SMAD2: variants seen among roughly 807,000 people sequenced by gnomAD.
The protein encoded by SMAD2 is SMAD family member 2.
A neutral mutation model predicts 64.4 loss-of-function variants in SMAD2; 8 were observed. That is an observed-to-expected ratio of 0.12 (90% CI 0.07 to 0.22). SMAD2 has a LOEUF of 0.22. Among genes scored for constraint, SMAD2 ranks in the 10% least tolerant of loss-of-function variants. The pLI is 1.00. For synonymous variants in SMAD2, 203 were observed against 195.8 expected (o/e 1.04, Z -0.31); for missense variants, 289 against 561.2 (o/e 0.51, Z 4.90).
rs1461853620 is a variant in SMAD2, at chr18:47,839,988, T to G, written c.*1839A>C. The stretch of plus-strand genomic sequence containing the variant: ...GATAATTAAGGGTTAGTGTAACTGC[T>G]GTCTCAGCAAAGGCAGGAACTGTAG... On this transcript the variant is annotated 3_prime_UTR_variant, in exon 11 of 11. Coordinates refer to ENST00000262160, the MANE Select transcript of SMAD2 (RefSeq NM_005901.6). 4.3e-6 allele frequency: 1 copy of G among 233,092 alleles called. No individual in the cohort carries two copies. Among genetic ancestry groups the G allele is most frequent in the Non-Finnish European group, 8.5e-6 (1 of 118,022 alleles). 14.4% of individuals were successfully genotyped at this position (233,092 alleles called of 1,614,324 possible). A position where few individuals can be genotyped will look rare whatever the true frequency, so the allele number is the denominator to read the frequency against.
At chr18:47,895,097 T>C (rs1030535125) in intron 2 of SMAD2, among the ~76,000 whole-genome samples, 1 of 152,248 alleles carries the variant, frequency 6.6e-6, no homozygotes, top group African/African-American at 2.4e-5. Flanking sequence ...TGTAAAAATA[T>C]GTAAGATCCT....
At chr18:47,861,094 G>T (rs181672533) in intron 6 of SMAD2, among the ~76,000 whole-genome samples, 112 of 152,256 alleles carry the variant, frequency 7.4e-4, no homozygotes, top group African/African-American at 2.7e-3. Context: ...AGTGGCTCAC[G>T]GCTGTAATCC....
rs1054769579 is a variant in SMAD2 at position 47,820,078 on chromosome 18, T to C, written c.*21749A>G. ...AATGAACTTTTCATGTAATTTGAAA[T>C]CTTATAAATTAATCTTCAGTAAATG... On this transcript the variant is annotated 3_prime_UTR_variant, in exon 11 of 11. Coordinates refer to ENST00000262160, the MANE Select transcript of SMAD2 (RefSeq NM_005901.6). The C allele has an allele frequency of 6.6e-6, 1 of 152,122 alleles. No homozygotes were observed. The highest frequency in any genetic ancestry group is 2.4e-5 in the African/African-American group (1 of 41,438). The allele number at this position is 152,122 out of a possible 1,614,324, so 9.4% of individuals were successfully genotyped here. A position where few individuals can be genotyped will look rare whatever the true frequency, so the allele number is the denominator to read the frequency against.
chr18:47,850,657 ATTATATACT>A (rs1915354758), intron 7 of SMAD2, among the ~76,000 whole-genome samples: 1 of 42,018 alleles, frequency 2.4e-5, no homozygotes, highest in Non-Finnish European at 3.7e-5. Context: ...TATAATATAT[ATTATATACT>A]ATATATATAT....
chr18:47,887,611 C>T (rs1328064638), intron 2 of SMAD2, among the ~76,000 whole-genome samples: 3 of 152,172 alleles, frequency 2.0e-5, no homozygotes, highest in Non-Finnish European at 4.4e-5. Context: ...GTCTTACTAA[C>T]GTCTACTTTG....
chr18:47,899,088 T>A (rs2033569728), intron 1 of SMAD2, among the ~76,000 whole-genome samples: 1 of 152,050 alleles, frequency 6.6e-6, no homozygotes, highest in Non-Finnish European at 1.5e-5. Flanking sequence ...AGAATTGCAA[T>A]ACACAAAAGG....
intron 2 of SMAD2, among the ~76,000 whole-genome samples, chr18:47,888,731 T>G (rs541875251): frequency 7.2e-4 from 109 of 152,278 alleles, no homozygotes; most frequent in African/African-American, 2.6e-3. Context: ...AGAGCATTAT[T>G]TGCAAGATCT....
rs1188024168 is a variant in SMAD2, at chr18:47,821,673, C to T, written c.*20154G>A. 1 of 152,184 alleles carries T rather than the reference C, an allele frequency of 6.6e-6. No homozygotes were observed. Among genetic ancestry groups the T allele is most frequent in the Non-Finnish European group, 1.5e-5 (1 of 68,024 alleles). 9.4% of individuals were successfully genotyped at this position (152,184 alleles called of 1,614,324 possible). On this transcript the variant is annotated 3_prime_UTR_variant, in exon 11 of 11. Coordinates refer to ENST00000262160, the MANE Select transcript of SMAD2 (RefSeq NM_005901.6). ...TAGGCTTCCCATAAGTAAAGGCAGTCACACTGCAAGAGATTTTTCTTTACC... is the reference window on the plus strand; with the variant it reads ...TAGGCTTCCCATAAGTAAAGGCAGTTACACTGCAAGAGATTTTTCTTTACC...
In SMAD2 at chr18:47,809,126, A is replaced by C. The variant is rs1461641003; in HGVS notation, c.*32701T>G. ...AGCAGTTCTCAACAACAGATCACAGAAACAAGGCTGTCCTCCTCGGGCATC... is the reference window on the plus strand; with the variant it reads ...AGCAGTTCTCAACAACAGATCACAGCAACAAGGCTGTCCTCCTCGGGCATC... On this transcript the variant is annotated 3_prime_UTR_variant, in exon 11 of 11. Transcript: ENST00000262160. 1 of 152,344 alleles carries C rather than the reference A, an allele frequency of 6.6e-6. No individual in the cohort carries two copies. The highest frequency in any genetic ancestry group is 2.4e-5 in the African/African-American group (1 of 41,464). The allele number at this position is 152,344 out of a possible 1,614,324, so 9.4% of individuals were successfully genotyped here.
intron 1 of SMAD2, among the ~76,000 whole-genome samples, chr18:47,919,468 ATACACAC>A (rs1341854300): frequency 2.3e-4 from 18 of 77,394 alleles, no homozygotes; most frequent in South Asian, 4.7e-4. Flanking sequence ...AAAAAAAAAA[ATACACAC>A]ACACACACAC....
Position 47,869,236 on chromosome 18 carries a change from T to G in SMAD2, c.520+7A>C. The G allele has an allele frequency of 7.5e-6, 12 of 1,608,212 alleles. No homozygotes were observed. Among genetic ancestry groups the G allele is most frequent in the Non-Finnish European group, 9.4e-6 (11 of 1,174,874 alleles). On this transcript the variant is annotated splice_region_variant and intron_variant, in intron 4 of 10. Transcript: ENST00000262160. ...AAAACCAAGAAAAAAACTTGCAATATTCCTACCTGGTGTCTCAACTCTCTG... is the reference window on the plus strand; with the variant it reads ...AAAACCAAGAAAAAAACTTGCAATAGTCCTACCTGGTGTCTCAACTCTCTG...
At chr18:47,887,629 G>A (rs1010932228) in intron 2 of SMAD2, among the ~76,000 whole-genome samples, 1 of 152,120 alleles carries the variant, frequency 6.6e-6, no homozygotes, top group African/African-American at 2.4e-5. Flanking sequence ...TTGTCCATGG[G>A]GGTAATTCTT....
In SMAD2 at chr18:47,839,623, A is replaced by G. The variant is rs774859249; in HGVS notation, c.*2204T>C. The stretch of plus-strand genomic sequence containing the variant: ...TTGAGGAAGGAGATATGTTAGTGAG[A>G]ATCACATGAAGCAGACTATCACAAA... On this transcript the variant is annotated 3_prime_UTR_variant, in exon 11 of 11. Transcript: ENST00000262160. 18 of 233,400 alleles carry G rather than the reference A, an allele frequency of 7.7e-5. No homozygotes were observed. The highest frequency in any genetic ancestry group is 1.7e-4 in the Admixed American group (3 of 17,804). The allele number at this position is 233,400 out of a possible 1,614,324, so 14.5% of individuals were successfully genotyped here. A position where few individuals can be genotyped will look rare whatever the true frequency, so the allele number is the denominator to read the frequency against.
chr18:47,897,869 T>C (rs967378104), intron 1 of SMAD2, among the ~76,000 whole-genome samples: 12 of 152,296 alleles, frequency 7.9e-5, no homozygotes, highest in Non-Finnish European at 1.5e-4. Context: ...TAGTGAGATA[T>C]AGGAAAAAGG....
At chr18:47,925,122 A>C (rs917438480) in intron 1 of SMAD2, among the ~76,000 whole-genome samples, 4 of 152,212 alleles carry the variant, frequency 2.6e-5, no homozygotes, top group African/African-American at 9.7e-5. Context: ...AAATTTTTAC[A>C]TTAAGGTAGA....
chr18:47,911,570 T>C (rs1009098552), intron 1 of SMAD2, among the ~76,000 whole-genome samples: 3 of 152,148 alleles, frequency 2.0e-5, no homozygotes, highest in African/African-American at 7.2e-5. Flanking sequence ...CACATAACAA[T>C]ACTGCATTGG....
At position 47,919,493 on chromosome 18, in the gene SMAD2, C is replaced by T. The variant is rs1287589262; in HGVS notation, c.-54+10868G>A. On this transcript the variant is annotated intron_variant, in intron 1 of 10. Transcript: ENST00000262160. Reference sequence around the variant, plus strand: ...ATACACACACACACACACACACACACACACACACACACACACACACACACA... The same window carrying T: ...ATACACACACACACACACACACACATACACACACACACACACACACACACA... Among the ~76,000 whole-genome samples, 5 of 146,394 alleles carry T rather than the reference C, an allele frequency of 3.4e-5. 1 individual carries two copies. The highest frequency in any genetic ancestry group is 1.0e-4 in the African/African-American group (4 of 38,158).
At chr18:47,850,357 A>T (rs192016680) in intron 7 of SMAD2, among the ~76,000 whole-genome samples, 1,656 of 16,460 alleles carry the variant, frequency 0.1, 79 homozygotes, top group East Asian at 0.21. Flanking sequence ...ATTATACATA[A>T]TATGTATAAT....
At chr18:47,843,200 T>C (rs1476710950) in intron 10 of SMAD2, among the ~76,000 whole-genome samples, 1 of 152,158 alleles carries the variant, frequency 6.6e-6, no homozygotes, top group East Asian at 1.9e-4. Flanking sequence ...GAAAGAAGCA[T>C]CCCCAGGAGC....
Sources: gnomAD v4.1 joint callset for allele counts (sites outside exome capture counted in the v4.1 genomes callset) on GRCh38, gnomAD v4.1.1 for gene constraint, MANE v1.5 for transcripts, NCBI Gene and HGNC (gene_info 2026-07-23, HGNC 2026-07-21) for gene names.